The following CNTNAP2 variants were observed in gnomAD, a reference collection of about 807,000 sequenced individuals.
The protein encoded by CNTNAP2 is contactin associated protein 2, also known as contactin-associated protein-like 2.
Under a neutral mutation model 155.2 loss-of-function variants are expected in CNTNAP2, and 98 were observed. The observed-to-expected ratio is 0.63, with a 90% CI of 0.54 to 0.75. CNTNAP2 has a LOEUF of 0.75. Ranked by LOEUF, CNTNAP2 falls within the 30% of genes least tolerant of loss-of-function variation. CNTNAP2 has a pLI of 0.00. For missense variants in CNTNAP2, 1,727 were observed against 1,688.1 expected, an observed-to-expected ratio of 1.02 and a Z score of -0.40; for synonymous variants, 651 against 631.2, an observed-to-expected ratio of 1.03 and a Z score of -0.47.
chr7:148,265,313 A>C (rs1337768311), intron 20 of CNTNAP2, among the ~76,000 whole-genome samples: 1 of 152,194 alleles, frequency 6.6e-6, no homozygotes, highest in Non-Finnish European at 1.5e-5. Context: ...TCACTCTGTC[A>C]CCTAGGCTGG....
At chr7:146,316,902 C>T (rs76254622) in intron 1 of CNTNAP2, among the ~76,000 whole-genome samples, 3,645 of 152,134 alleles carry the variant, frequency 0.024, 53 homozygotes, top group Middle Eastern at 0.051. Flanking sequence ...AGAGGAGGGA[C>T]ACTGAATCCA....
At chr7:146,372,418 T>C (rs1795248960) in intron 1 of CNTNAP2, among the ~76,000 whole-genome samples, 1 of 152,168 alleles carries the variant, frequency 6.6e-6, no homozygotes, top group African/African-American at 2.4e-5. Context: ...ACTTGAACCA[T>C]TTCATACAAA....
intron 11 of CNTNAP2, among the ~76,000 whole-genome samples, chr7:147,556,782 A>G (rs1361786414): frequency 6.6e-6 from 1 of 152,224 alleles, no homozygotes; most frequent in African/African-American, 2.4e-5. Context: ...TATCATTATT[A>G]TTAACAGAAT....
intron 15 of CNTNAP2, among the ~76,000 whole-genome samples, chr7:148,115,849 A>G (rs577900740): frequency 1.1e-3 from 163 of 152,286 alleles, no homozygotes; most frequent in Middle Eastern, 6.8e-3. Flanking sequence ...GTTTAAAAAA[A>G]AAATAGCAGC....
intron 1 of CNTNAP2, among the ~76,000 whole-genome samples, chr7:146,762,043 G>T (rs10280945): frequency 0.4 from 60,126 of 151,860 alleles, 13,494 homozygotes; most frequent in African/African-American, 0.62. Context: ...TCCTTACATT[G>T]TTTAAGATAA....
intron 21 of CNTNAP2, among the ~76,000 whole-genome samples, chr7:148,324,934 GC>G (rs1797863731): frequency 6.6e-6 from 1 of 152,172 alleles, no homozygotes; most frequent in Non-Finnish European, 1.5e-5. Flanking sequence ...CTGTTGAGAA[GC>G]CATACCCATT....
intron 8 of CNTNAP2, among the ~76,000 whole-genome samples, chr7:147,215,854 G>T (rs1299576874): frequency 1.3e-5 from 2 of 152,046 alleles, no homozygotes; most frequent in Non-Finnish European, 2.9e-5. Context: ...CCAATATTTG[G>T]TTTTTAAAGT....
intron 13 of CNTNAP2, among the ~76,000 whole-genome samples, chr7:147,785,917 A>G (rs932097789): frequency 6.6e-6 from 1 of 152,096 alleles, no homozygotes; most frequent in South Asian, 2.1e-4. Context: ...ACCTGAACCC[A>G]GGATGGGGAG....
chr7:146,389,595 C>G (rs1386642151), intron 1 of CNTNAP2, among the ~76,000 whole-genome samples: 1 of 150,918 alleles, frequency 6.6e-6, no homozygotes, highest in Non-Finnish European at 1.5e-5. Flanking sequence ...TCTTTCCCTC[C>G]TTTTTCTATA....
chr7:148,047,928 T>G (rs1346157470), intron 15 of CNTNAP2, among the ~76,000 whole-genome samples: 1 of 150,440 alleles, frequency 6.6e-6, no homozygotes, highest in Non-Finnish European at 1.5e-5. Flanking sequence ...GTGCCTTACT[T>G]TTTTTTTTGT....
chr7:147,396,180 AGCAT>A (rs1158113269), intron 10 of CNTNAP2, among the ~76,000 whole-genome samples: 1 of 55,638 alleles, frequency 1.8e-5, no homozygotes, highest in East Asian at 4.3e-4. Context: ...ATATATATAT[AGCAT>A]ATATATATAT....
At chr7:148,238,209 C>T (rs1796080431) in intron 20 of CNTNAP2, among the ~76,000 whole-genome samples, 1 of 152,112 alleles carries the variant, frequency 6.6e-6, no homozygotes, top group African/African-American at 2.4e-5. Context: ...ATTAGCTGGA[C>T]ATGGGGGTGC....
chr7:146,551,110 A>G (rs1284735764), intron 1 of CNTNAP2, among the ~76,000 whole-genome samples: 1 of 152,088 alleles, frequency 6.6e-6, no homozygotes, highest in Non-Finnish European at 1.5e-5. Flanking sequence ...CATAATGAAT[A>G]TGTTTGGAGT....
At chr7:146,759,610 G>T (rs966313367) in intron 1 of CNTNAP2, among the ~76,000 whole-genome samples, 3 of 142,936 alleles carry the variant, frequency 2.1e-5, no homozygotes, top group African/African-American at 7.8e-5. Context: ...CAGGAGAATA[G>T]CTTGAACCTG....
chr7:148,065,826 T>A (rs147272786), intron 15 of CNTNAP2, among the ~76,000 whole-genome samples: 1 of 152,350 alleles, frequency 6.6e-6, no homozygotes, highest in East Asian at 1.9e-4. Flanking sequence ...TTTATCATGC[T>A]AGTTGTTGCC....
At chr7:146,690,013 T>C (rs1374376889) in intron 1 of CNTNAP2, among the ~76,000 whole-genome samples, 1 of 151,668 alleles carries the variant, frequency 6.6e-6, no homozygotes, top group Non-Finnish European at 1.5e-5. Flanking sequence ...CAAATTTATA[T>C]ATATCTATTT....
At chr7:148,315,799 A>G (rs1207130484) in intron 21 of CNTNAP2, among the ~76,000 whole-genome samples, 2 of 152,346 alleles carry the variant, frequency 1.3e-5, no homozygotes, top group East Asian at 3.9e-4. Flanking sequence ...CTTGGGTTTT[A>G]TAAGTCCTGC....
At chr7:146,821,440 A>G (rs1194631872) in intron 2 of CNTNAP2, among the ~76,000 whole-genome samples, 1 of 152,128 alleles carries the variant, frequency 6.6e-6, no homozygotes, top group Admixed American at 6.6e-5. Flanking sequence ...GTTTGGCTGG[A>G]TATGAAATTC....
chr7:146,945,871 C>A (rs1281590427), intron 3 of CNTNAP2, among the ~76,000 whole-genome samples: 1 of 152,228 alleles, frequency 6.6e-6, no homozygotes, highest in African/African-American at 2.4e-5. Context: ...TGATCATTTT[C>A]TTTGTCTCTT....
Sources: gnomAD v4.1 joint callset for allele counts (sites outside exome capture counted in the v4.1 genomes callset) on GRCh38, gnomAD v4.1.1 for gene constraint, MANE v1.5 for transcripts, NCBI Gene and HGNC (gene_info 2026-07-23, HGNC 2026-07-21) for gene names.